Variants in KAZN observed in about 807,000 individuals in gnomAD.
The protein encoded by KAZN is kazrin, periplakin interacting protein.
KAZN carries 40 observed loss-of-function variants against 87.4 expected under a neutral mutation model. The observed-to-expected ratio is 0.46, with a 90% CI of 0.36 to 0.60. The LOEUF is 0.60. Ranked by LOEUF, KAZN falls within the 20% of genes least tolerant of loss-of-function variation. KAZN has a pLI of 0.00. For missense variants in KAZN, 898 were observed against 1,073.9 expected, an observed-to-expected ratio of 0.84 and a Z score of 2.29; for synonymous variants, 466 against 458.3, an observed-to-expected ratio of 1.02 and a Z score of -0.22.
At chr1:13,956,285 C>T (rs1380014739) in intron 1 of KAZN, among the ~76,000 whole-genome samples, 1 of 148,910 alleles carries the variant, frequency 6.7e-6, no homozygotes, top group South Asian at 2.1e-4. Context: ...GTAGATGTTA[C>T]TACATCATTT....
At chr1:14,620,030 A>G (rs1255209014) in intron 1 of KAZN, among the ~76,000 whole-genome samples, 3 of 152,218 alleles carry the variant, frequency 2.0e-5, no homozygotes, top group Non-Finnish European at 4.4e-5. Flanking sequence ...TCAGCTCCCC[A>G]GGTCAATGCA....
chr1:14,548,478 C>T (rs1277865058), intron 2 of KAZN, among the ~76,000 whole-genome samples: 1 of 152,252 alleles, frequency 6.6e-6, no homozygotes, highest in South Asian at 2.1e-4. Context: ...CGATTACAGG[C>T]GTGAGCTACC....
chr1:14,752,661 C>A (rs1252271848), intron 1 of KAZN, among the ~76,000 whole-genome samples: 1 of 152,090 alleles, frequency 6.6e-6, no homozygotes, highest in East Asian at 1.9e-4. Context: ...GAGGGCAGAC[C>A]CCTCATGACT....
chr1:14,286,667 C>G (rs763823410), intron 2 of KAZN, among the ~76,000 whole-genome samples: 1 of 152,110 alleles, frequency 6.6e-6, no homozygotes, highest in Non-Finnish European at 1.5e-5. Context: ...ATGCAGCTTC[C>G]AGAAGAAAGC....
At chr1:14,078,697 GT>G (rs1473978985) in intron 1 of KAZN, among the ~76,000 whole-genome samples, 2 of 151,902 alleles carry the variant, frequency 1.3e-5, no homozygotes, top group Admixed American at 1.3e-4. Context: ...CTTTTTTGTT[GT>G]TTTTTTGAGA....
chr1:15,090,065 A>G (rs772615759), intron 8 of KAZN, among the ~76,000 whole-genome samples: 47 of 152,198 alleles, frequency 3.1e-4, no homozygotes, highest in Non-Finnish European at 5.6e-4. Flanking sequence ...TCACACCCCC[A>G]TAGCTTCGCA....
intron 8 of KAZN, among the ~76,000 whole-genome samples, chr1:15,087,604 A>G (rs1447329933): frequency 6.6e-6 from 1 of 152,150 alleles, no homozygotes; most frequent in Non-Finnish European, 1.5e-5. Context: ...CATGTCGGCC[A>G]GGGTGGTCTT....
At chr1:14,970,942 G>A (rs1396337752) in intron 2 of KAZN, among the ~76,000 whole-genome samples, 2 of 152,198 alleles carry the variant, frequency 1.3e-5, no homozygotes, top group East Asian at 1.9e-4. Flanking sequence ...TCACTTTGGA[G>A]TGATAATCAT....
chr1:14,770,817 C>A (rs1348041009), intron 1 of KAZN, among the ~76,000 whole-genome samples: 1 of 152,184 alleles, frequency 6.6e-6, no homozygotes, highest in Non-Finnish European at 1.5e-5. Flanking sequence ...CATGCATTTT[C>A]AATTGTTCAG....
intron 8 of KAZN, among the ~76,000 whole-genome samples, chr1:15,070,992 T>C (rs1008978758): frequency 6.6e-6 from 1 of 152,196 alleles, no homozygotes; most frequent in African/African-American, 2.4e-5. Flanking sequence ...CCTGTTCCCA[T>C]TTTCCAGTGG....
intron 2 of KAZN, among the ~76,000 whole-genome samples, chr1:14,977,365 G>A (rs1384368015): frequency 6.6e-6 from 1 of 152,198 alleles, no homozygotes; most frequent in Non-Finnish European, 1.5e-5. Flanking sequence ...AGGAGCTGAG[G>A]GAGCACTCAC....
chr1:14,154,995 T>TTCCTTCCC, intron 1 of KAZN, among the ~76,000 whole-genome samples: 1 of 151,664 alleles, frequency 6.6e-6, no homozygotes, highest in Non-Finnish European at 1.5e-5. Flanking sequence ...CCTTCCTTCC[T>TTCCTTCCC]TTTTCTGATG....
intron 1 of KAZN, among the ~76,000 whole-genome samples, chr1:14,942,458 C>T (rs1661209451): frequency 6.6e-6 from 1 of 152,240 alleles, no homozygotes; most frequent in Non-Finnish European, 1.5e-5. Flanking sequence ...TTCCGACCCG[C>T]TCCAAACGTT....
chr1:15,094,144 T>A lies in KAZN; in HGVS notation c.1223-36T>A, dbSNP rs756075647. Reference sequence around the variant, plus strand: ...TGCCCAGCCCCTGCCCCCAGCAGCCTCGTCCCCCAGCATGGCCTGCACTTG... The same window carrying A: ...TGCCCAGCCCCTGCCCCCAGCAGCCACGTCCCCCAGCATGGCCTGCACTTG... On this transcript the variant is annotated intron_variant, in intron 8 of 14. Transcript: ENST00000376030. This position sits in a 1 kb window ranked among gnomAD's most constrained non-coding sequence, Gnocchi z 4.5. 3 of 1,597,156 alleles carry A rather than the reference T, an allele frequency of 1.9e-6. No homozygotes were observed. Among genetic ancestry groups the A allele is most frequent in the Middle Eastern group, 2.1e-4 (1 of 4,752 alleles).
intron 2 of KAZN, among the ~76,000 whole-genome samples, chr1:14,476,492 G>A (rs1424593556): frequency 2.0e-5 from 3 of 152,108 alleles, no homozygotes; most frequent in African/African-American, 7.2e-5. Context: ...GCAGATCGTG[G>A]GATTTCTATC....
chr1:14,556,920 C>T (rs1400166075), intron 2 of KAZN, among the ~76,000 whole-genome samples: 3 of 152,070 alleles, frequency 2.0e-5, no homozygotes, highest in Admixed American at 6.6e-5. Context: ...AACAGTTTGT[C>T]GCCAAATTCA....
chr1:14,133,905 C>T (rs934456888), intron 1 of KAZN, among the ~76,000 whole-genome samples: 1 of 152,162 alleles, frequency 6.6e-6, no homozygotes, highest in Non-Finnish European at 1.5e-5. Flanking sequence ...ATCCTTTTGA[C>T]CTCTAAGTCC....
At chr1:14,416,697 A>G (rs1177033017) in intron 2 of KAZN, among the ~76,000 whole-genome samples, 1 of 152,008 alleles carries the variant, frequency 6.6e-6, no homozygotes, top group Non-Finnish European at 1.5e-5. Flanking sequence ...AGATCACGCC[A>G]CTGCACTCCA....
intron 1 of KAZN, among the ~76,000 whole-genome samples, chr1:14,953,006 G>A (rs1161103089): frequency 6.6e-6 from 1 of 151,760 alleles, no homozygotes; most frequent in Admixed American, 6.5e-5. Flanking sequence ...GGGAAGTGGG[G>A]GAGCCAAGAC....
Sources: gnomAD v4.1 joint callset for allele counts (sites outside exome capture counted in the v4.1 genomes callset) on GRCh38, gnomAD v4.1.1 for gene constraint, Gnocchi (gnomAD v3.1) non-coding constraint, MANE v1.5 for transcripts, NCBI Gene and HGNC (gene_info 2026-07-23, HGNC 2026-07-21) for gene names.